The following MYO18B variants were observed in gnomAD, a reference collection of about 807,000 sequenced individuals.
MYO18B encodes myosin XVIIIB.
Under a neutral mutation model 273.0 loss-of-function variants are expected in MYO18B, and 204 were observed. That is an observed-to-expected ratio of 0.75 (90% CI 0.67 to 0.84). The LOEUF is 0.84. Among genes scored for constraint, MYO18B ranks in the 40% least tolerant of loss-of-function variants. The probability of loss-of-function intolerance (pLI) is 0.00; values close to 1 mark genes in which losing one functional copy is unlikely to be tolerated. For synonymous variants in MYO18B, 1,330 were observed against 1,305.7 expected (o/e 1.02, Z -0.40); for missense variants, 3,212 against 3,287.6 (o/e 0.98, Z 0.56).
intron 40 of MYO18B, 146 bp downstream of exon 40, chr22:25,992,639 T>A: frequency 9.3e-7 from 1 of 1,077,708 alleles, no homozygotes; most frequent in Non-Finnish European, 1.3e-6. Context: ...TTTACTTGGG[T>A]AAGGAGAGAC....
intron 25 of MYO18B, among the ~76,000 whole-genome samples, chr22:25,884,446 A>G (rs921106644): frequency 6.6e-6 from 1 of 152,148 alleles, no homozygotes; most frequent in African/African-American, 2.4e-5. Context: ...GTCTTAGGCT[A>G]TTAGGATCTG....
chr22:25,875,912 CTA>C (rs2091178084), intron 23 of MYO18B, among the ~76,000 whole-genome samples: 1 of 151,842 alleles, frequency 6.6e-6, no homozygotes, highest in Admixed American at 6.6e-5. Context: ...ACTCTTTCTC[CTA>C]TTATTATTTG....
At chr22:25,819,476 A>G (rs2089183195) in intron 12 of MYO18B, among the ~76,000 whole-genome samples, 1 of 152,222 alleles carries the variant, frequency 6.6e-6, no homozygotes, top group African/African-American at 2.4e-5. Flanking sequence ...GGAAGAAGAA[A>G]GTCTCATTCA....
intron 33 of MYO18B, among the ~76,000 whole-genome samples, chr22:25,913,426 T>G (rs961580609): frequency 6.6e-5 from 10 of 152,218 alleles, no homozygotes; most frequent in African/African-American, 2.4e-4. Context: ...TGCAGTGGTG[T>G]GATCTGGGCT....
intron 34 of MYO18B, among the ~76,000 whole-genome samples, chr22:25,930,710 G>A (rs2041474857): frequency 6.6e-6 from 1 of 152,000 alleles, no homozygotes; most frequent in Non-Finnish European, 1.5e-5. Flanking sequence ...CTGGGCTCAA[G>A]TGATCCACCC....
intron 34 of MYO18B, among the ~76,000 whole-genome samples, chr22:25,931,840 A>ATT (rs35548306): frequency 0.021 from 3,012 of 141,538 alleles, 109 homozygotes; most frequent in African/African-American, 0.071. Context: ...TGCCCTGCTA[A>ATT]TTTTTTTTTT....
intron 33 of MYO18B, among the ~76,000 whole-genome samples, chr22:25,917,545 G>GGGGTGTGTGTGTGTGT (rs1555944183): frequency 7.0e-6 from 1 of 142,246 alleles, no homozygotes; most frequent in East Asian, 2.0e-4. Context: ...GCTTTGTAGG[G>GGGGTGTGTGTGTGTGT]GTGTGTGTGT....
At chr22:25,922,194 G>A (rs577469443) in intron 34 of MYO18B, among the ~76,000 whole-genome samples, 23 of 152,266 alleles carry the variant, frequency 1.5e-4, no homozygotes, top group South Asian at 1.4e-3. Context: ...GCTTGAAAGC[G>A]GCAGAGCCAG....
At chr22:25,911,077 C>CTGA in intron 33 of MYO18B, 27 bp downstream of exon 33, 1 of 1,530,284 alleles carries the variant, frequency 6.5e-7, no homozygotes, top group African/African-American at 1.4e-5. Flanking sequence ...GGCAGACATT[C>CTGA]AGAGGAGTAT....
rs368914637 is a variant in MYO18B, at chr22:25,789,218, C to G, written c.2376+3727C>G. ...GCTCCCCAACAGCAAGACACGCTAC[C>G]TAGCCACTCAGTTCCCATTCCATGT... On this transcript the variant is annotated intron_variant, in intron 11 of 43. Coordinates refer to ENST00000335473, the MANE Select transcript of MYO18B (RefSeq NM_032608.7). 1.4e-3 allele frequency among the ~76,000 whole-genome samples: 210 copies of G among 152,066 alleles called. 9 individuals are homozygous for G. In the South Asian group the frequency reaches 0.043, roughly 31 times the overall value.
In MYO18B at chr22:25,761,067, T is replaced by C; in HGVS notation, c.-26T>C. ...CAGGAAGCTCCATCTCATCTCATCA[T>C]CTCACGGCCCTGGCACTGCCTCAGC... On this transcript the variant is annotated 5_prime_UTR_variant, in exon 2 of 44. Coordinates refer to ENST00000335473, the MANE Select transcript of MYO18B (RefSeq NM_032608.7). 6.2e-7 allele frequency: 1 copy of C among 1,613,150 alleles called. No individual in the cohort carries two copies. The highest frequency in any genetic ancestry group is 1.1e-5 in the South Asian group (1 of 91,082).
chr22:25,975,549 T>A (rs1411732605), intron 39 of MYO18B, among the ~76,000 whole-genome samples: 1 of 152,212 alleles, frequency 6.6e-6, no homozygotes, highest in African/African-American at 2.4e-5. Context: ...AATATTTTTA[T>A]CTCTATTTTA....
intron 40 of MYO18B, among the ~76,000 whole-genome samples, chr22:26,001,141 G>A (rs190572199): frequency 3.9e-5 from 6 of 152,220 alleles, no homozygotes; most frequent in African/African-American, 1.4e-4. Context: ...TAGCAGTGCA[G>A]TGTTGGGTCA....
chr22:25,766,957 T>A (rs935997971), intron 3 of MYO18B, among the ~76,000 whole-genome samples: 1 of 152,088 alleles, frequency 6.6e-6, no homozygotes, highest in Non-Finnish European at 1.5e-5. Context: ...GAGACATAGA[T>A]GTGAAGCTTG....
chr22:26,059,619 C>T, the MYO18B span, among the ~76,000 whole-genome samples: 2 of 152,218 alleles, frequency 1.3e-5, no homozygotes, highest in Non-Finnish European at 2.9e-5. Context: ...AAGCAGCTGT[C>T]TGCACCACTT....
intron 17 of MYO18B, among the ~76,000 whole-genome samples, chr22:25,842,286 T>C (rs770048765): frequency 6.6e-6 from 1 of 152,216 alleles, no homozygotes; most frequent in Non-Finnish European, 1.5e-5. Flanking sequence ...CCCTAGTGCA[T>C]GCAAGTACGT....
intron 1 of MYO18B, among the ~76,000 whole-genome samples, chr22:25,746,560 A>C (rs1263662448): frequency 6.6e-6 from 1 of 152,104 alleles, no homozygotes; most frequent in African/African-American, 2.4e-5. Context: ...ACAACCCAAA[A>C]TGTCTCTAGG....
At chr22:25,871,154 A>G (rs1189838546) in intron 22 of MYO18B, among the ~76,000 whole-genome samples, 2 of 152,088 alleles carry the variant, frequency 1.3e-5, no homozygotes, top group Admixed American at 1.3e-4. Flanking sequence ...GAAGGCTATG[A>G]AGCTCAGGGG....
chr22:25,914,686 C>CTTTTTTTTTTTTTTTTTTTTTTTTTT lies in MYO18B; in HGVS notation c.5364+3639_5364+3664dup, dbSNP rs3070566. Among the ~76,000 whole-genome samples, 3 of 50,848 alleles carry CTTTTTTTTTTTTTTTTTTTTTTTTTT rather than the reference C, an allele frequency of 5.9e-5. 1 individual carries two copies. The highest frequency in any genetic ancestry group is 8.5e-5 in the African/African-American group (1 of 11,796). The allele number at this position is 50,848 out of a possible 152,430, so 33.4% of individuals were successfully genotyped here. A position where few individuals can be genotyped will look rare whatever the true frequency, so the allele number is the denominator to read the frequency against. ...TTTGAAAATAAGAATAGTTTTGACT[C>CTTTTTTTTTTTTTTTTTTTTTTTTTT]TTTTTTTTTTTTTTTTTTTTTTTTT... On this transcript the variant is annotated intron_variant, in intron 33 of 43. Transcript: ENST00000335473.
Sources: allele counts gnomAD v4.1 joint callset (sites outside exome capture counted in the v4.1 genomes callset), GRCh38; gene constraint gnomAD v4.1.1; transcripts MANE v1.5; gene names NCBI Gene and HGNC (gene_info 2026-07-23, HGNC 2026-07-21).